Variants in TANC2 observed in about 807,000 individuals in gnomAD.
TANC2 encodes protein TANC2.
TANC2 carries 26 observed loss-of-function variants against 210.5 expected under a neutral mutation model. The ratio of observed to expected loss-of-function variants is 0.12; its 90% confidence interval spans 0.09 to 0.17. The LOEUF (loss-of-function observed/expected upper bound fraction) is 0.17. Among genes scored for constraint, TANC2 ranks in the 10% least tolerant of loss-of-function variants. The pLI, the probability that TANC2 is intolerant of heterozygous loss-of-function variation, is 1.00. For missense variants in TANC2, 2,129 were observed against 2,608.9 expected, an observed-to-expected ratio of 0.82 and a Z score of 4.01; for synonymous variants, 931 against 967.1, an observed-to-expected ratio of 0.96 and a Z score of 0.69.
chr17:62,974,567 C>T (rs185140971), intron 1 of TANC2, among the ~76,000 whole-genome samples: 91 of 152,216 alleles, frequency 6.0e-4, no homozygotes, highest in Non-Finnish European at 1.0e-3. Context: ...TTATTGACTA[C>T]TATGTATAAG....
At position 63,255,330 on chromosome 17, in the gene TANC2, G is replaced by C. The variant is rs534515681; in HGVS notation, c.1034-12418G>C. ...GTCTTGATCTCCTGACCTTGTTTGTGATCCGCCTGCCTCGGCCTCCCAAAG... is the reference window on the plus strand; with the variant it reads ...GTCTTGATCTCCTGACCTTGTTTGTCATCCGCCTGCCTCGGCCTCCCAAAG... On this transcript the variant is annotated intron_variant, in intron 8 of 27. Coordinates refer to ENST00000689528, the Ensembl canonical transcript of TANC2. Among the ~76,000 whole-genome samples the C allele has an allele frequency of 1.9e-3, 282 of 152,106 alleles. 1 individual carries two copies. Among genetic ancestry groups the C allele is most frequent in the African/African-American group, 6.5e-3 (271 of 41,484 alleles).
chr17:63,378,378 A>G (rs2047492608), intron 14 of TANC2, among the ~76,000 whole-genome samples: 1 of 152,134 alleles, frequency 6.6e-6, no homozygotes. Flanking sequence ...TAAGTGTATC[A>G]TTAGGATGCT....
intron 9 of TANC2, among the ~76,000 whole-genome samples, chr17:63,307,238 GC>G (rs2044946606): frequency 6.6e-6 from 1 of 152,078 alleles, no homozygotes; most frequent in Non-Finnish European, 1.5e-5. Flanking sequence ...CATCAGACAG[GC>G]CCAGTTCCAG....
intron 9 of TANC2, among the ~76,000 whole-genome samples, chr17:63,276,594 A>C (rs773821662): frequency 2.0e-5 from 3 of 151,718 alleles, no homozygotes; most frequent in African/African-American, 7.3e-5. Context: ...ATGTTTTCCC[A>C]TAAGACCAAT....
chr17:63,269,730 A>G (rs2043640478), intron 9 of TANC2, among the ~76,000 whole-genome samples: 2 of 152,166 alleles, frequency 1.3e-5, no homozygotes, highest in South Asian at 4.1e-4. Context: ...TAACAGATAC[A>G]TTCTGGTGAG....
Position 63,418,483 on chromosome 17 carries a change from G to A in TANC2, c.4268+76G>A. 1 of 1,309,808 alleles carries A rather than the reference G, an allele frequency of 7.6e-7. No individual in the cohort carries two copies. Among genetic ancestry groups the A allele is most frequent in the Admixed American group, 2.0e-5 (1 of 49,126 alleles). 81.1% of individuals were successfully genotyped at this position (1,309,808 alleles called of 1,614,324 possible). ...TGGCCAAGGCAGCGTCGGCCACCCT[G>A]GGGCATATGTACCCAAATACATCTC... is the stretch of plus-strand genomic sequence containing the variant. On this transcript the variant is annotated intron_variant, in intron 27 of 27. Coordinates refer to ENST00000689528, the Ensembl canonical transcript of TANC2. This position sits in a 1 kb window ranked among gnomAD's most constrained non-coding sequence, Gnocchi z 4.6.
intron 11 of TANC2, among the ~76,000 whole-genome samples, chr17:63,326,282 A>T (rs1277512154): frequency 6.6e-6 from 1 of 152,230 alleles, no homozygotes; most frequent in South Asian, 2.1e-4. Flanking sequence ...TCATTGGGAT[A>T]AAGGTGGACT....
intron 2 of TANC2, among the ~76,000 whole-genome samples, chr17:63,019,870 T>C (rs1054982816): frequency 6.6e-6 from 1 of 152,192 alleles, no homozygotes. Context: ...ATTCTAGCCT[T>C]TGTCAGATAC....
rs575758188 is a variant in TANC2 at position 63,408,347 on chromosome 17, GAA to G, written c.3589+2071_3589+2072del. On this transcript the variant is annotated intron_variant, in intron 21 of 27. Transcript: ENST00000689528. ...TTAACTGCATGAGAAAGAAAAGAGA[GAA>G]GAGGAAGATTACAAATTGGATTTTG... Among the ~76,000 whole-genome samples the G allele has an allele frequency of 2.5e-3, 385 of 152,294 alleles. 1 individual carries two copies. The highest frequency in any genetic ancestry group is 8.4e-3 in the Admixed American group (128 of 15,300).
At chr17:63,251,833 G>A (rs2043061306) in intron 8 of TANC2, among the ~76,000 whole-genome samples, 1 of 152,020 alleles carries the variant, frequency 6.6e-6, no homozygotes, top group Admixed American at 6.6e-5. Flanking sequence ...TTCTTCTAGT[G>A]TCATTTGTCT....
At chr17:63,380,436 G>A (rs1311801522) in intron 15 of TANC2, among the ~76,000 whole-genome samples, 4 of 152,194 alleles carry the variant, frequency 2.6e-5, no homozygotes, top group Non-Finnish European at 5.9e-5. Context: ...GCATTCATTT[G>A]TTTATTCATC....
intron 8 of TANC2, among the ~76,000 whole-genome samples, chr17:63,257,685 A>G (rs913140976): frequency 2.0e-5 from 3 of 152,176 alleles, no homozygotes; most frequent in African/African-American, 7.2e-5. Flanking sequence ...TAACCCATTT[A>G]TTTCAAACTG....
chr17:63,210,925 A>T (rs2041866557), intron 7 of TANC2, among the ~76,000 whole-genome samples: 1 of 152,082 alleles, frequency 6.6e-6, no homozygotes, highest in African/African-American at 2.4e-5. Flanking sequence ...AATTATCCAA[A>T]ATATCCTTTT....
chr17:63,193,404 T>A (rs2041247654), intron 5 of TANC2, among the ~76,000 whole-genome samples: 1 of 152,186 alleles, frequency 6.6e-6, no homozygotes, highest in Non-Finnish European at 1.5e-5. Flanking sequence ...TTAGAGAAGT[T>A]GATATAAATG....
chr17:63,027,422 T>C (rs2034597548), intron 2 of TANC2, among the ~76,000 whole-genome samples: 1 of 152,098 alleles, frequency 6.6e-6, no homozygotes, highest in Admixed American at 6.6e-5. Context: ...AGGTATATTT[T>C]GATATAGAAC....
chr17:63,065,248 G>A (rs1409863031), intron 2 of TANC2, among the ~76,000 whole-genome samples: 2 of 152,148 alleles, frequency 1.3e-5, no homozygotes, highest in Non-Finnish European at 2.9e-5. Context: ...AGACTGAATA[G>A]TATTACATTG....
intron 5 of TANC2, among the ~76,000 whole-genome samples, chr17:63,186,409 A>G (rs943013487): frequency 3.4e-5 from 5 of 145,322 alleles, no homozygotes; most frequent in African/African-American, 5.2e-5. Flanking sequence ...CTGGAGTGCA[A>G]TGGCGCAACC....
chr17:63,277,133 G>C (rs1293484805), intron 9 of TANC2, among the ~76,000 whole-genome samples: 1 of 152,092 alleles, frequency 6.6e-6, no homozygotes. Context: ...CAGCATTGAA[G>C]CACCATCTAC....
chr17:63,006,612 G>T (rs150334880), intron 1 of TANC2, among the ~76,000 whole-genome samples: 1 of 152,174 alleles, frequency 6.6e-6, no homozygotes, highest in Non-Finnish European at 1.5e-5. Flanking sequence ...TTGCTTTGTG[G>T]TTAGGGAATA....
Sources: gnomAD v4.1 joint callset for allele counts (sites outside exome capture counted in the v4.1 genomes callset) on GRCh38, gnomAD v4.1.1 for gene constraint, Gnocchi (gnomAD v3.1) non-coding constraint, MANE v1.5 for transcripts, NCBI Gene and HGNC (gene_info 2026-07-23, HGNC 2026-07-21) for gene names.